ALDH2: variants seen among roughly 807,000 people sequenced by gnomAD.
ALDH2 encodes aldehyde dehydrogenase, mitochondrial.
A neutral mutation model predicts 59.6 loss-of-function variants in ALDH2; 44 were observed. The ratio of observed to expected loss-of-function variants is 0.74; its 90% CI spans 0.58 to 0.95. The LOEUF is 0.95. Ranked by LOEUF, ALDH2 falls within the 40% of genes least tolerant of loss-of-function variation. The pLI is 0.00. For missense variants in ALDH2, 570 were observed against 696.3 expected (o/e 0.82, Z 2.04); for synonymous variants, 291 against 284.0 (o/e 1.02, Z -0.25).
intron 9 of ALDH2, among the ~76,000 whole-genome samples, chr12:111,797,200 C>T (rs945077105): frequency 2.0e-5 from 3 of 152,076 alleles, no homozygotes; most frequent in Non-Finnish European, 4.4e-5. Context: ...CCCAAAGTGC[C>T]GAGATTACAG....
At position 111,809,602 on chromosome 12, in the gene ALDH2, C is replaced by A; in HGVS notation, c.*27C>A. On this transcript the variant is annotated 3_prime_UTR_variant, in exon 13 of 13. Coordinates refer to ENST00000261733, the MANE Select transcript of ALDH2 (RefSeq NM_000690.4). ...AATCATGCAAGCTTCCTCCCTCAGC[C>A]ATTGATGGAAAGTTCAGCAAGATCA... The A allele has an allele frequency of 1.2e-6, 2 of 1,613,066 alleles. 1 individual carries two copies. Among genetic ancestry groups the A allele is most frequent in the South Asian group, 2.2e-5 (2 of 91,054 alleles).
chr12:111,807,710 A>G (rs984567410), intron 12 of ALDH2, among the ~76,000 whole-genome samples: 3 of 152,168 alleles, frequency 2.0e-5, no homozygotes, highest in Non-Finnish European at 1.5e-5. Context: ...TCTTCCAGGA[A>G]CTGCAGGAAG....
intron 11 of ALDH2, among the ~76,000 whole-genome samples, chr12:111,802,892 A>AAAAAG (rs200657646): frequency 0.063 from 9,294 of 147,188 alleles, 1,241 homozygotes; most frequent in East Asian, 0.59. Flanking sequence ...AAAAAAAAAA[A>AAAAAG]AAAAGAAAAT....
At chr12:111,803,401 C>T (rs1193689330) in intron 11 of ALDH2, among the ~76,000 whole-genome samples, 1 of 151,662 alleles carries the variant, frequency 6.6e-6, no homozygotes, top group Non-Finnish European at 1.5e-5. Flanking sequence ...AGTTCGAGAC[C>T]AGCCTGGGCA....
rs73205606 is a variant in ALDH2 at position 111,795,064 on chromosome 12, A to T, written c.1083+2282A>T. Among the ~76,000 whole-genome samples the T allele has an allele frequency of 6.1e-3, 930 of 152,270 alleles. 3 individuals are homozygous for T. The highest frequency in any genetic ancestry group is 0.01 in the Admixed American group (154 of 15,274). On this transcript the variant is annotated intron_variant, in intron 9 of 12. Transcript: ENST00000261733. Reference sequence around the variant, plus strand: ...TAGATTTATCTATTTTGGACATTTTATGCAAATGGAATCCTACATGGTTCT... The same window carrying T: ...TAGATTTATCTATTTTGGACATTTTTTGCAAATGGAATCCTACATGGTTCT...
chr12:111,803,396 G>A (rs1021074738), intron 11 of ALDH2, among the ~76,000 whole-genome samples: 5 of 151,466 alleles, frequency 3.3e-5, no homozygotes, highest in African/African-American at 9.7e-5. Flanking sequence ...CCAGGAGTTC[G>A]AGACCAGCCT....
chr12:111,798,714 T>A (rs189528812), intron 10 of ALDH2, among the ~76,000 whole-genome samples: 45 of 152,166 alleles, frequency 3.0e-4, no homozygotes, highest in Non-Finnish European at 5.0e-4. Flanking sequence ...TTAAAAAAAT[T>A]TTTTAGTACA....
chr12:111,801,362 C>T (rs753098094), intron 11 of ALDH2, among the ~76,000 whole-genome samples: 2 of 152,166 alleles, frequency 1.3e-5, no homozygotes, highest in South Asian at 2.1e-4. Flanking sequence ...AGTAGCCATG[C>T]ATGCAATAGC....
chr12:111,805,746 C>G (rs923766373), intron 12 of ALDH2, among the ~76,000 whole-genome samples: 1 of 152,194 alleles, frequency 6.6e-6, no homozygotes, highest in Non-Finnish European at 1.5e-5. Flanking sequence ...ACAAAATGGC[C>G]GGGCGCGGTG....
At chr12:111,785,146 C>A in intron 3 of ALDH2, 121 bp from the exon 4 acceptor site, 1 of 784,774 alleles carries the variant, frequency 1.3e-6, no homozygotes, top group South Asian at 1.4e-5. Context: ...GGGCACAAAG[C>A]GGACTCTCAC....
chr12:111,768,032 C>T (rs1156419766), intron 1 of ALDH2, among the ~76,000 whole-genome samples: 3 of 152,204 alleles, frequency 2.0e-5, no homozygotes, highest in Non-Finnish European at 4.4e-5. Context: ...AAGCGTCTAC[C>T]TGTTTTGCAA....
chr12:111,792,873 C>A, intron 9 of ALDH2, 91 bp downstream of exon 9: 1 of 1,354,352 alleles, frequency 7.4e-7, no homozygotes, highest in Non-Finnish European at 9.9e-7. Context: ...GGACTGGGTT[C>A]AGGTCTCAGC....
rs577393321 is a variant in ALDH2 at position 111,802,455 on chromosome 12, C to T, written c.1407-1404C>T. On this transcript the variant is annotated intron_variant, in intron 11 of 12. Coordinates refer to ENST00000261733, the MANE Select transcript of ALDH2 (RefSeq NM_000690.4). ...AATTAGCCGGGCGCAGTGGTGGGCA[C>T]CTGTAATCCCAGCTACTCAGGAGGC... Among the ~76,000 whole-genome samples, 70 of 151,596 alleles carry T rather than the reference C, an allele frequency of 4.6e-4. 1 individual carries two copies. In the South Asian group the frequency reaches 0.014, roughly 30 times the overall value.
At chr12:111,777,606 G>A (rs542206089) in intron 1 of ALDH2, among the ~76,000 whole-genome samples, 4 of 152,084 alleles carry the variant, frequency 2.6e-5, no homozygotes, top group African/African-American at 7.2e-5. Flanking sequence ...CGCCCCCCAC[G>A]CCCGTGAGCC....
intron 8 of ALDH2, among the ~76,000 whole-genome samples, chr12:111,792,366 CAGGCT>C (rs2068367864): frequency 2.0e-5 from 3 of 152,262 alleles, no homozygotes; most frequent in African/African-American, 7.2e-5. Context: ...TCTGCATCAT[CAGGCT>C]AGGCCACGCC....
intron 3 of ALDH2, among the ~76,000 whole-genome samples, chr12:111,783,973 G>A (rs1030404578): frequency 4.6e-5 from 7 of 152,150 alleles, no homozygotes; most frequent in African/African-American, 1.7e-4. Flanking sequence ...GAAACCAGGA[G>A]GCAATCTCCT....
intron 6 of ALDH2, among the ~76,000 whole-genome samples, chr12:111,790,963 C>T (rs1361407139): frequency 6.6e-6 from 1 of 152,110 alleles, no homozygotes; most frequent in Non-Finnish European, 1.5e-5. Context: ...GCAGGAGGAT[C>T]ACTTGAGCCC....
chr12:111,803,746 AAT>A, intron 11 of ALDH2, 111 bp from the exon 12 acceptor site: 15 of 661,816 alleles, frequency 2.3e-5, no homozygotes, highest in South Asian at 5.0e-5. Flanking sequence ...CAAAAAAAAA[AAT>A]TTTTTTTTAA....
intron 4 of ALDH2, among the ~76,000 whole-genome samples, chr12:111,789,320 C>T (rs1189407176): frequency 1.3e-5 from 2 of 151,422 alleles, no homozygotes; most frequent in Non-Finnish European, 2.9e-5. Context: ...CCCAGCAAGA[C>T]CCTGTTTCTT....
Sources: gnomAD v4.1 joint callset for allele counts (sites outside exome capture counted in the v4.1 genomes callset) on GRCh38, gnomAD v4.1.1 for gene constraint, MANE v1.5 for transcripts, NCBI Gene and HGNC (gene_info 2026-07-23, HGNC 2026-07-21) for gene names.